Variants in CSMD1 observed in about 807,000 individuals in gnomAD.
CSMD1 encodes the protein CUB and sushi domain-containing protein 1.
A neutral mutation model predicts 417.5 loss-of-function variants in CSMD1; 213 were observed. That is an observed-to-expected ratio of 0.51 (90% confidence interval 0.46 to 0.57). The LOEUF is 0.57. Among genes scored for constraint, CSMD1 ranks in the 20% least tolerant of loss-of-function variants. CSMD1 has a pLI of 0.00. For synonymous variants in CSMD1, 2,862 were observed against 1,736.8 expected, an observed-to-expected ratio of 1.65 and a Z score of -16.11; for missense variants, 6,923 against 4,529.7, an observed-to-expected ratio of 1.53 and a Z score of -15.17.
intron 5 of CSMD1, among the ~76,000 whole-genome samples, chr8:3,945,201 A>C (rs1811139411): frequency 6.6e-6 from 1 of 150,554 alleles, no homozygotes; most frequent in South Asian, 2.1e-4. Context: ...AAAAAAACAG[A>C]AGCTAACTAT....
intron 3 of CSMD1, among the ~76,000 whole-genome samples, chr8:4,153,259 G>A (rs1242495685): frequency 6.6e-6 from 1 of 152,150 alleles, no homozygotes; most frequent in East Asian, 1.9e-4. Context: ...TGATACATAC[G>A]GCTATAAAGA....
intron 3 of CSMD1, among the ~76,000 whole-genome samples, chr8:4,150,970 A>G (rs560026283): frequency 7.9e-5 from 12 of 152,328 alleles, no homozygotes; most frequent in Admixed American, 2.6e-4. Flanking sequence ...AAAGTCTTCC[A>G]GATACAGGAC....
At chr8:4,766,750 C>T (rs960209107) in intron 1 of CSMD1, among the ~76,000 whole-genome samples, 8 of 152,280 alleles carry the variant, frequency 5.3e-5, no homozygotes, top group East Asian at 3.9e-4. Context: ...TGTTTCTTCA[C>T]GCCTGATTTA....
At chr8:3,471,211 G>A (rs1003759389) in intron 11 of CSMD1, among the ~76,000 whole-genome samples, 6 of 152,166 alleles carry the variant, frequency 3.9e-5, no homozygotes, top group African/African-American at 7.2e-5. Flanking sequence ...ACAGCTACGT[G>A]CATTTAACTA....
chr8:3,327,767 G>T (rs1160228162), intron 23 of CSMD1, among the ~76,000 whole-genome samples: 1 of 152,164 alleles, frequency 6.6e-6, no homozygotes, highest in African/African-American at 2.4e-5. Context: ...TAATAAATCA[G>T]TTTATCTTTT....
intron 4 of CSMD1, among the ~76,000 whole-genome samples, chr8:4,013,731 A>C (rs747526808): frequency 1.3e-5 from 2 of 152,202 alleles, no homozygotes; most frequent in African/African-American, 2.4e-5. Context: ...AATGTTGGCG[A>C]ACTATAGCTT....
intron 26 of CSMD1, among the ~76,000 whole-genome samples, chr8:3,232,261 T>G (rs1410705249): frequency 2.0e-5 from 3 of 152,200 alleles, no homozygotes; most frequent in Admixed American, 6.5e-5. Context: ...TTTCCTGAAA[T>G]CAAATGCTTA....
chr8:4,327,228 G>A (rs1003916412), intron 3 of CSMD1, among the ~76,000 whole-genome samples: 1 of 152,124 alleles, frequency 6.6e-6, no homozygotes, highest in Non-Finnish European at 1.5e-5. Flanking sequence ...ATATAGCTTA[G>A]TTTTCATTAG....
intron 11 of CSMD1, among the ~76,000 whole-genome samples, chr8:3,489,932 A>T (rs893098472): frequency 6.6e-6 from 1 of 152,210 alleles, no homozygotes; most frequent in Admixed American, 6.5e-5. Context: ...AATGTGTGTC[A>T]TGTGATCCTC....
intron 2 of CSMD1, among the ~76,000 whole-genome samples, chr8:4,571,848 T>C (rs1438895231): frequency 6.6e-6 from 1 of 152,240 alleles, no homozygotes; most frequent in East Asian, 1.9e-4. Context: ...TTGTTAACTC[T>C]TCTTGCATTG....
intron 41 of CSMD1, chr8:3,128,786 T>C (rs969508555): frequency 2.3e-6 from 1 of 429,344 alleles, no homozygotes; most frequent in Non-Finnish European, 4.6e-6. Context: ...ATAAAAAACA[T>C]GTTGTTTCGA....
intron 3 of CSMD1, among the ~76,000 whole-genome samples, chr8:4,192,134 C>T (rs1181851966): frequency 2.6e-5 from 4 of 152,038 alleles, no homozygotes; most frequent in South Asian, 2.1e-4. Flanking sequence ...GCAAATATGA[C>T]GCGTCTTCAC....
chr8:3,948,954 C>T (rs374090917), intron 5 of CSMD1, among the ~76,000 whole-genome samples: 5 of 151,918 alleles, frequency 3.3e-5, no homozygotes, highest in Non-Finnish European at 5.9e-5. Context: ...GGATGGGCTA[C>T]TGGAAAATAT....
intron 3 of CSMD1, among the ~76,000 whole-genome samples, chr8:4,331,474 T>C (rs188244158): frequency 6.6e-5 from 10 of 151,582 alleles, no homozygotes; most frequent in Admixed American, 6.6e-4. Flanking sequence ...AGCCTTCTTT[T>C]GGGTTTTGGG....
rs543091274 is a variant in CSMD1, at chr8:4,064,325, T to C, written c.416-32226A>G. Among the ~76,000 whole-genome samples, 8 of 152,348 alleles carry C rather than the reference T, an allele frequency of 5.3e-5. No individual in the cohort carries two copies. In the East Asian group the frequency reaches 1.5e-3, roughly 29 times the overall value. On this transcript the variant is annotated intron_variant, in intron 3 of 69. Coordinates refer to ENST00000635120, the MANE Select transcript of CSMD1 (RefSeq NM_033225.6). The stretch of plus-strand genomic sequence containing the variant: ...ATGTTCCTGGGCTCCATATGGTGTT[T>C]CATAGTCACCTGCTCTCTTTCACAA...
At chr8:4,057,649 GGGTTTTTATA>G (rs1283553227) in intron 3 of CSMD1, among the ~76,000 whole-genome samples, 1 of 93,698 alleles carries the variant, frequency 1.1e-5, no homozygotes, top group Non-Finnish European at 2.7e-5. Flanking sequence ...TTTTCTTCTA[GGGTTTTTATA>G]GTTTTAGGTG....
chr8:4,442,920 AATG>A (rs1375132593), intron 2 of CSMD1, among the ~76,000 whole-genome samples: 3 of 152,300 alleles, frequency 2.0e-5, no homozygotes, highest in South Asian at 2.1e-4. Flanking sequence ...TATAAACATA[AATG>A]ATATTTGTCC....
chr8:3,501,636 T>A (rs1283520336), intron 10 of CSMD1, among the ~76,000 whole-genome samples: 2 of 152,182 alleles, frequency 1.3e-5, no homozygotes, highest in Non-Finnish European at 2.9e-5. Context: ...TGTATCTGAT[T>A]CATTCCACTT....
intron 11 of CSMD1, among the ~76,000 whole-genome samples, chr8:3,487,441 T>A (rs1480146624): frequency 6.6e-6 from 1 of 152,160 alleles, no homozygotes; most frequent in Non-Finnish European, 1.5e-5. Context: ...GACCTCGTGA[T>A]CTGCCCGCCT....
Sources: gnomAD v4.1 joint callset for allele counts (sites outside exome capture counted in the v4.1 genomes callset) on GRCh38, gnomAD v4.1.1 for gene constraint, MANE v1.5 for transcripts, NCBI Gene and HGNC (gene_info 2026-07-23, HGNC 2026-07-21) for gene names.